Variants in TBC1D22A observed in about 807,000 individuals in gnomAD.
TBC1D22A encodes the protein putative GTPase activator.
A neutral mutation model predicts 60.2 loss-of-function variants in TBC1D22A; 38 were observed. That is an observed-to-expected ratio of 0.63 (90% CI 0.49 to 0.83). The LOEUF (loss-of-function observed/expected upper bound fraction) is 0.83, where lower values mean the gene tolerates loss of function less well. TBC1D22A is among the 40% of genes least tolerant of loss of function. TBC1D22A has a pLI of 0.00. For synonymous variants in TBC1D22A, 302 were observed against 281.7 expected (o/e 1.07, Z -0.72); for missense variants, 628 against 701.0 (o/e 0.90, Z 1.18).
rs2085448171 is a variant in TBC1D22A at position 46,812,987 on chromosome 22, T to C, written c.637+15367T>C. 2.6e-5 allele frequency among the ~76,000 whole-genome samples: 4 copies of C among 152,200 alleles called. No individual in the cohort carries two copies. In the South Asian group the frequency reaches 8.3e-4, roughly 32 times the overall value. ...AGTCTGTCGTGTCCGGAGCTGTCCG[T>C]GAGGTGATTTATGCGGCCGCTGCTG... On this transcript the variant is annotated intron_variant, in intron 4 of 12. Transcript: ENST00000337137.
chr22:47,127,772 C>T (rs563271740), intron 12 of TBC1D22A, among the ~76,000 whole-genome samples: 128 of 152,096 alleles, frequency 8.4e-4, no homozygotes, highest in Non-Finnish European at 1.4e-3. Flanking sequence ...TGGGCTTCCA[C>T]GCATCAGGGC....
At chr22:47,138,821 T>A (rs1210698677) in intron 12 of TBC1D22A, among the ~76,000 whole-genome samples, 1 of 152,106 alleles carries the variant, frequency 6.6e-6, no homozygotes, top group Non-Finnish European at 1.5e-5. Context: ...CCCTCTGCCA[T>A]GTCCTCACAC....
chr22:47,060,782 CG>C (rs1569404786), intron 11 of TBC1D22A, among the ~76,000 whole-genome samples: 1 of 152,200 alleles, frequency 6.6e-6, no homozygotes, highest in African/African-American at 2.4e-5. Context: ...CACAATTTAG[CG>C]GAGTCAGTCC....
At chr22:46,969,439 G>A (rs1471332656) in intron 8 of TBC1D22A, among the ~76,000 whole-genome samples, 1 of 152,148 alleles carries the variant, frequency 6.6e-6, no homozygotes, top group Non-Finnish European at 1.5e-5. Flanking sequence ...GATAAAGGGG[G>A]GCTTATTTTA....
chr22:46,795,572 C>T (rs2084615992), intron 3 of TBC1D22A, among the ~76,000 whole-genome samples: 1 of 152,236 alleles, frequency 6.6e-6, no homozygotes, highest in African/African-American at 2.4e-5. Context: ...CCTTGTGCTC[C>T]CACTTGCCTG....
intron 10 of TBC1D22A, among the ~76,000 whole-genome samples, chr22:47,008,949 A>T (rs1462260673): frequency 6.6e-6 from 1 of 152,148 alleles, no homozygotes; most frequent in African/African-American, 2.4e-5. Context: ...TGGTTTGGGG[A>T]CTAGTTTGTG....
At chr22:46,868,737 G>T (rs575407173) in intron 4 of TBC1D22A, among the ~76,000 whole-genome samples, 4 of 152,290 alleles carry the variant, frequency 2.6e-5, no homozygotes, top group South Asian at 2.1e-4. Flanking sequence ...GAAGCAGAGG[G>T]TTTAACTCTC....
intron 10 of TBC1D22A, among the ~76,000 whole-genome samples, chr22:47,018,280 A>G (rs1160939816): frequency 1.3e-5 from 2 of 152,218 alleles, no homozygotes. Context: ...GTTCTGCTGG[A>G]TGCGTGTGGA....
intron 10 of TBC1D22A, among the ~76,000 whole-genome samples, chr22:47,011,536 A>G (rs1426194720): frequency 6.6e-6 from 1 of 152,160 alleles, no homozygotes; most frequent in Non-Finnish European, 1.5e-5. Flanking sequence ...GAGCGGCCTC[A>G]GCAAATGTTG....
intron 7 of TBC1D22A, among the ~76,000 whole-genome samples, chr22:46,909,843 G>T (rs130983): frequency 6.6e-6 from 1 of 152,190 alleles, no homozygotes; most frequent in Non-Finnish European, 1.5e-5. Flanking sequence ...CCCTGGGCTT[G>T]CTTCACGCCC....
intron 8 of TBC1D22A, among the ~76,000 whole-genome samples, chr22:46,943,230 C>T (rs775642069): frequency 2.0e-5 from 3 of 152,188 alleles, no homozygotes; most frequent in Non-Finnish European, 4.4e-5. Flanking sequence ...GCATCCATCT[C>T]GGTGTAATTA....
intron 1 of TBC1D22A, among the ~76,000 whole-genome samples, chr22:46,788,548 T>G (rs910888693): frequency 6.6e-6 from 1 of 152,136 alleles, no homozygotes; most frequent in Non-Finnish European, 1.5e-5. Context: ...ATTCCTTTGG[T>G]AAAAGTATCC....
chr22:46,838,129 G>A (rs1387498201), intron 4 of TBC1D22A, among the ~76,000 whole-genome samples: 4 of 152,112 alleles, frequency 2.6e-5, no homozygotes, highest in African/African-American at 9.7e-5. Flanking sequence ...AAGAACAAAC[G>A]AAGTTCAAAG....
intron 4 of TBC1D22A, among the ~76,000 whole-genome samples, chr22:46,807,645 C>A (rs1032336692): frequency 6.6e-6 from 1 of 152,170 alleles, no homozygotes; most frequent in African/African-American, 2.4e-5. Flanking sequence ...GGCAGGATTC[C>A]TGTGATTCCC....
chr22:46,973,720 TTG>T (rs2074172543), intron 8 of TBC1D22A, among the ~76,000 whole-genome samples: 1 of 152,222 alleles, frequency 6.6e-6, no homozygotes, highest in Non-Finnish European at 1.5e-5. Context: ...AACTTTTAGA[TTG>T]TGTTTTCTCA....
At chr22:47,172,568 C>G (rs2068524934) in intron 12 of TBC1D22A, among the ~76,000 whole-genome samples, 3 of 152,190 alleles carry the variant, frequency 2.0e-5, no homozygotes, top group Admixed American at 1.3e-4. Flanking sequence ...CTATCTTTAC[C>G]TATGAGAATC....
chr22:47,050,034 C>T (rs138358513), intron 11 of TBC1D22A, among the ~76,000 whole-genome samples: 13 of 150,730 alleles, frequency 8.6e-5, no homozygotes, highest in East Asian at 2.0e-4. Flanking sequence ...AGAGAAGTCT[C>T]GCCCTTGTCC....
chr22:46,972,707 C>T (rs776174391), intron 8 of TBC1D22A, among the ~76,000 whole-genome samples: 15 of 152,156 alleles, frequency 9.9e-5, no homozygotes, highest in Admixed American at 3.3e-4. Flanking sequence ...CTGGAACTAG[C>T]GGTGACGCTT....
intron 8 of TBC1D22A, among the ~76,000 whole-genome samples, chr22:46,959,179 A>G (rs2073365795): frequency 2.0e-5 from 3 of 152,136 alleles, no homozygotes; most frequent in Non-Finnish European, 4.4e-5. Context: ...CGTTCTACCC[A>G]ACAAAAAACT....
Sources: gnomAD v4.1 joint callset for allele counts (sites outside exome capture counted in the v4.1 genomes callset) on GRCh38, gnomAD v4.1.1 for gene constraint, MANE v1.5 for transcripts, NCBI Gene and HGNC (gene_info 2026-07-23, HGNC 2026-07-21) for gene names.